IGSF23: variants seen among roughly 807,000 people sequenced by gnomAD.
IGSF23 encodes the protein immunoglobulin superfamily member 23.
IGSF23 carries 14 observed loss-of-function variants against 17.8 expected under a neutral mutation model. The ratio of observed to expected loss-of-function variants is 0.79; its 90% CI spans 0.52 to 1.23. The LOEUF (loss-of-function observed/expected upper bound fraction) is 1.23, where lower values mean the gene tolerates loss of function less well. Among genes scored for constraint, IGSF23 ranks in the 50% most tolerant of loss-of-function variants. The pLI, the probability that IGSF23 is intolerant of heterozygous loss-of-function variation, is 0.00. For synonymous variants in IGSF23, 85 were observed against 92.5 expected (o/e 0.92, Z 0.46); for missense variants, 214 against 241.7 (o/e 0.89, Z 0.76).
chr19:44,627,632 C>A (rs1452999456), intron 3 of IGSF23, 59 bp downstream of exon 3: 5 of 1,491,828 alleles, frequency 3.4e-6, no homozygotes, highest in Non-Finnish European at 4.5e-6. Flanking sequence ...CCATGGGGCA[C>A]AGAGCTGGCT....
intron 1 of IGSF23, among the ~76,000 whole-genome samples, chr19:44,621,906 C>T (rs1274218978): frequency 6.6e-6 from 1 of 152,100 alleles, no homozygotes; most frequent in Non-Finnish European, 1.5e-5. Flanking sequence ...TGGATTAACA[C>T]GTGTGCTTGG....
chr19:44,628,477 G>A (rs914138993), intron 3 of IGSF23, among the ~76,000 whole-genome samples: 3 of 152,194 alleles, frequency 2.0e-5, no homozygotes, highest in Non-Finnish European at 4.4e-5. Flanking sequence ...GCCAGGTGTA[G>A]TGGCTCACAC....
intron 3 of IGSF23, among the ~76,000 whole-genome samples, chr19:44,634,175 G>A (rs1447712691): frequency 6.6e-6 from 1 of 152,210 alleles, no homozygotes; most frequent in Non-Finnish European, 1.5e-5. Flanking sequence ...TGAGGGAATG[G>A]CCTGAGCTGG....
intron 3 of IGSF23, among the ~76,000 whole-genome samples, chr19:44,634,655 T>C (rs1364593688): frequency 6.6e-6 from 1 of 152,100 alleles, no homozygotes; most frequent in Non-Finnish European, 1.5e-5. Flanking sequence ...GGCCACTATT[T>C]ATGGCCAGTT....
chr19:44,615,543 A>G (rs1024696790), intron 1 of IGSF23, among the ~76,000 whole-genome samples: 1 of 151,742 alleles, frequency 6.6e-6, no homozygotes, highest in Admixed American at 6.6e-5. Flanking sequence ...GAATTGCTTG[A>G]ACCCAGGAGG....
At chr19:44,625,318 G>A in intron 2 of IGSF23, among the ~76,000 whole-genome samples, 1 of 152,140 alleles carries the variant, frequency 6.6e-6, no homozygotes, top group Non-Finnish European at 1.5e-5. Flanking sequence ...CAATAACCGT[G>A]AGCCAATAAC....
intron 1 of IGSF23, 42 bp from the exon 2 acceptor site, chr19:44,623,665 G>A (rs1309068915): frequency 1.3e-6 from 2 of 1,537,486 alleles, no homozygotes; most frequent in Admixed American, 2.0e-5. Context: ...TTTTCTGAGT[G>A]GACTCCACTC....
chr19:44,619,519 A>G (rs1262278688), intron 1 of IGSF23, among the ~76,000 whole-genome samples: 1 of 152,228 alleles, frequency 6.6e-6, no homozygotes, highest in Non-Finnish European at 1.5e-5. Flanking sequence ...CTTTTAGAAG[A>G]TAGTCCAGAG....
At chr19:44,613,943 G>C (rs1157416242) in intron 1 of IGSF23, 173 bp downstream of exon 1, 27 of 1,545,466 alleles carry the variant, frequency 1.7e-5, no homozygotes, top group Non-Finnish European at 2.3e-5. Context: ...GGGTCCTCTG[G>C]ACGTCAGCTC....
At chr19:44,613,907 A>G in intron 1 of IGSF23, 137 bp downstream of exon 1, 2 of 1,548,500 alleles carry the variant, frequency 1.3e-6, no homozygotes, top group Non-Finnish European at 1.7e-6. Flanking sequence ...TTCTCTGCAC[A>G]GTCCCTGGAC....
At chr19:44,634,141 C>T (rs951490812) in intron 3 of IGSF23, among the ~76,000 whole-genome samples, 22 of 152,112 alleles carry the variant, frequency 1.4e-4, no homozygotes, top group Admixed American at 6.6e-5. Context: ...CCGGCTGTGG[C>T]GGGGGACAGA....
Position 44,613,807 on chromosome 19 carries a change from G to C in IGSF23, c.125+37G>C, listed in dbSNP as rs181218314. On this transcript the variant is annotated intron_variant, in intron 1 of 4. Transcript: ENST00000402988. The stretch of plus-strand genomic sequence containing the variant: ...GGGGAAGTGGCCAGGGTAGGGCATG[G>C]TCATCGTGAGCAGGGTCCTGCAGGG... 87 of 1,549,364 alleles carry C rather than the reference G, an allele frequency of 5.6e-5. No individual in the cohort carries two copies. The Admixed American group carries it at 1.6e-3, about 29-fold the overall frequency.
intron 1 of IGSF23, among the ~76,000 whole-genome samples, chr19:44,620,341 T>TGTGTG (rs1972487297): frequency 7.0e-4 from 97 of 139,398 alleles, no homozygotes; most frequent in Middle Eastern, 3.5e-3. Flanking sequence ...ATGACTAATT[T>TGTGTG]TGTGTGTGTG....
At chr19:44,631,818 C>T (rs1193458510) in intron 3 of IGSF23, among the ~76,000 whole-genome samples, 1 of 152,238 alleles carries the variant, frequency 6.6e-6, no homozygotes, top group African/African-American at 2.4e-5. Flanking sequence ...TTAAAAACGC[C>T]TTTAAGTGGT....
intron 3 of IGSF23, among the ~76,000 whole-genome samples, chr19:44,628,952 C>A (rs933783278): frequency 9.2e-5 from 14 of 151,994 alleles, no homozygotes; most frequent in African/African-American, 3.4e-4. Context: ...AATGGCATAT[C>A]CAGCAGAGGG....
intron 3 of IGSF23, among the ~76,000 whole-genome samples, chr19:44,631,917 T>A (rs1355502786): frequency 6.6e-6 from 1 of 152,218 alleles, no homozygotes; most frequent in Non-Finnish European, 1.5e-5. Context: ...ATCATGAACA[T>A]GTCACAGTGC....
chr19:44,620,992 T>A lies in IGSF23; in HGVS notation c.126-2715T>A, dbSNP rs147617346. Among the ~76,000 whole-genome samples, 735 of 152,278 alleles carry A rather than the reference T, an allele frequency of 4.8e-3. 3 individuals carry two copies. Among genetic ancestry groups the A allele is most frequent in the African/African-American group, 0.017 (700 of 41,560 alleles). ...ATGCCTGACAAAGAGCAAGTAAATG[T>A]TAGCCCTGGCCAGGTGCTATGGCTC... is the stretch of plus-strand genomic sequence containing the variant. On this transcript the variant is annotated intron_variant, in intron 1 of 4. Transcript: ENST00000402988.
Position 44,627,411 on chromosome 19 carries a change from G to C in IGSF23, c.392-9G>C. 3 of 1,500,014 alleles carry C rather than the reference G, an allele frequency of 2.0e-6. No homozygotes were observed. Among genetic ancestry groups the C allele is most frequent in the Non-Finnish European group, 2.7e-6 (3 of 1,113,472 alleles). The allele number at this position is 1,500,014 out of a possible 1,614,324, so 92.9% of individuals were successfully genotyped here. A position where few individuals can be genotyped will look rare whatever the true frequency, so the allele number is the denominator to read the frequency against. On this transcript the variant is annotated splice_polypyrimidine_tract_variant and intron_variant, in intron 2 of 4. Coordinates refer to ENST00000402988, the MANE Select transcript of IGSF23 (RefSeq NM_001205280.2). The stretch of plus-strand genomic sequence containing the variant: ...GGCTCCTCCAATCTCACCCCTCCTT[G>C]GTCCCCAGAACCCATCATGCAGCCC...
intron 1 of IGSF23, among the ~76,000 whole-genome samples, chr19:44,620,568 T>C (rs530128298): frequency 1.3e-5 from 2 of 152,194 alleles, no homozygotes; most frequent in East Asian, 2.0e-4. Context: ...GGTTTCACCA[T>C]GTTGGCCAGG....
Sources: gnomAD v4.1 joint callset for allele counts (sites outside exome capture counted in the v4.1 genomes callset) on GRCh38, gnomAD v4.1.1 for gene constraint, MANE v1.5 for transcripts, NCBI Gene and HGNC (gene_info 2026-07-23, HGNC 2026-07-21) for gene names.